The following ITFG1 variants were observed in gnomAD, a reference collection of about 807,000 sequenced individuals.
ITFG1 encodes integrin alpha FG-GAP repeat containing 1.
In ITFG1, 34 loss-of-function variants were observed where a neutral mutation model predicts 81.8. The ratio of observed to expected loss-of-function variants is 0.42; its 90% CI spans 0.32 to 0.55. ITFG1 has a LOEUF of 0.55. Among genes scored for constraint, ITFG1 ranks in the 20% least tolerant of loss-of-function variants. The pLI is 0.17. For missense variants in ITFG1, 672 were observed against 755.4 expected, an observed-to-expected ratio of 0.89 and a Z score of 1.29; for synonymous variants, 285 against 270.6, an observed-to-expected ratio of 1.05 and a Z score of -0.52.
chr16:47,217,971 T>C (rs887379469), intron 14 of ITFG1: 1 of 152,198 alleles, frequency 6.6e-6, no homozygotes, highest in African/African-American at 2.4e-5. Flanking sequence ...AATTTCTCCT[T>C]GAATTTTTAA....
chr16:47,386,255 T>C (rs1015475014), intron 6 of ITFG1, among the ~76,000 whole-genome samples: 3 of 152,124 alleles, frequency 2.0e-5, no homozygotes, highest in African/African-American at 7.2e-5. Context: ...TTCAAGAAAA[T>C]ATACTGAAAT....
intron 10 of ITFG1, among the ~76,000 whole-genome samples, chr16:47,307,703 G>A (rs1967192341): frequency 6.6e-6 from 1 of 152,120 alleles, no homozygotes; most frequent in Non-Finnish European, 1.5e-5. Flanking sequence ...TGGGTATACT[G>A]CATGGTACTG....
At chr16:47,169,416 TTAAA>T (rs1964932616) in intron 14 of ITFG1, among the ~76,000 whole-genome samples, 1 of 152,192 alleles carries the variant, frequency 6.6e-6, no homozygotes, top group Non-Finnish European at 1.5e-5. Context: ...AATTTTTTGG[TTAAA>T]TATATTCCTA....
At chr16:47,333,938 T>C (rs1967668893) in intron 8 of ITFG1, among the ~76,000 whole-genome samples, 1 of 152,248 alleles carries the variant, frequency 6.6e-6, no homozygotes, top group Non-Finnish European at 1.5e-5. Context: ...TCATTTTATA[T>C]GAAATAGTAC....
intron 5 of ITFG1, among the ~76,000 whole-genome samples, chr16:47,435,368 G>A (rs1190599712): frequency 6.6e-6 from 1 of 152,182 alleles, no homozygotes; most frequent in Non-Finnish European, 1.5e-5. Flanking sequence ...AAGAGAAACA[G>A]AGGAAAAAGT....
intron 6 of ITFG1, among the ~76,000 whole-genome samples, chr16:47,419,954 CTTT>C (rs75033874): frequency 1.4e-5 from 2 of 141,484 alleles, no homozygotes; most frequent in Admixed American, 7.1e-5. Flanking sequence ...TTTATCTTCT[CTTT>C]TTTTTTTTTT....
At chr16:47,230,314 C>T (rs1318038015) in intron 13 of ITFG1, among the ~76,000 whole-genome samples, 3 of 152,086 alleles carry the variant, frequency 2.0e-5, no homozygotes, top group Admixed American at 6.5e-5. Context: ...GGGAGTGTTT[C>T]GGTAAGTGTT....
chr16:47,450,239 A>G (rs1464035267), intron 5 of ITFG1: 1 of 177,214 alleles, frequency 5.6e-6, no homozygotes, highest in Non-Finnish European at 1.2e-5. Context: ...TCTCTTCAAG[A>G]TATTTTTCAA....
intron 12 of ITFG1, among the ~76,000 whole-genome samples, chr16:47,256,331 G>A (rs1966139018): frequency 6.6e-6 from 1 of 152,136 alleles, no homozygotes; most frequent in Non-Finnish European, 1.5e-5. Flanking sequence ...TTAAATGACT[G>A]TCCTGGATTT....
intron 8 of ITFG1, chr16:47,317,547 A>C (rs1967379569): frequency 6.6e-6 from 1 of 152,202 alleles, no homozygotes; most frequent in Non-Finnish European, 1.5e-5. Flanking sequence ...TCTCTAAAGC[A>C]GTGGTTCTGC....
chr16:47,419,580 T>G (rs1323976369), intron 6 of ITFG1, among the ~76,000 whole-genome samples: 1 of 150,622 alleles, frequency 6.6e-6, no homozygotes, highest in Non-Finnish European at 1.5e-5. Context: ...TCCCTTGCAC[T>G]TTCACGGCCT....
chr16:47,340,300 C>A (rs1474565555), intron 8 of ITFG1, among the ~76,000 whole-genome samples: 3 of 152,072 alleles, frequency 2.0e-5, no homozygotes, highest in African/African-American at 4.8e-5. Context: ...TGTAACACAA[C>A]TTTTTATTTG....
intron 14 of ITFG1, among the ~76,000 whole-genome samples, chr16:47,192,947 T>C (rs1332712827): frequency 6.6e-6 from 1 of 152,174 alleles, no homozygotes; most frequent in African/African-American, 2.4e-5. Context: ...CTTGAAGTGT[T>C]CCTACCAGTT....
At chr16:47,403,190 C>T (rs1283381303) in intron 6 of ITFG1, among the ~76,000 whole-genome samples, 5 of 151,048 alleles carry the variant, frequency 3.3e-5, no homozygotes, top group Non-Finnish European at 7.4e-5. Context: ...GGTTCAGTCA[C>T]TTAATTACAC....
intron 8 of ITFG1, among the ~76,000 whole-genome samples, chr16:47,355,548 A>G (rs529414640): frequency 6.6e-6 from 1 of 152,314 alleles, no homozygotes; most frequent in South Asian, 2.1e-4. Flanking sequence ...TTCTCACCAC[A>G]AAGAAACGAT....
At chr16:47,384,861 T>C (rs1278340249) in intron 6 of ITFG1, among the ~76,000 whole-genome samples, 1 of 152,202 alleles carries the variant, frequency 6.6e-6, no homozygotes, top group Non-Finnish European at 1.5e-5. Flanking sequence ...GGAGATCACC[T>C]GAGGTCAGGA....
At chr16:47,267,228 A>G (rs1293985107) in intron 10 of ITFG1, among the ~76,000 whole-genome samples, 2 of 152,226 alleles carry the variant, frequency 1.3e-5, no homozygotes, top group African/African-American at 2.4e-5. Context: ...GGTTAAAAAC[A>G]GATATAGCAA....
At chr16:47,439,477 A>T (rs947548702) in intron 5 of ITFG1, among the ~76,000 whole-genome samples, 5 of 152,262 alleles carry the variant, frequency 3.3e-5, no homozygotes, top group Non-Finnish European at 7.3e-5. Context: ...TCAGACTAAC[A>T]GCTGATCTCT....
At chr16:47,219,615 G>A (rs1965666880) in intron 13 of ITFG1, among the ~76,000 whole-genome samples, 1 of 152,138 alleles carries the variant, frequency 6.6e-6, no homozygotes, top group Admixed American at 6.5e-5. Flanking sequence ...ATGACAAAAT[G>A]TTTAAGAAAT....
Sources: gnomAD v4.1 joint callset for allele counts (sites outside exome capture counted in the v4.1 genomes callset) on GRCh38, gnomAD v4.1.1 for gene constraint, MANE v1.5 for transcripts, NCBI Gene and HGNC (gene_info 2026-07-23, HGNC 2026-07-21) for gene names.